SH2D7: variants seen among roughly 807,000 people sequenced by gnomAD.
SH2D7 encodes SH2 domain containing 7.
A neutral mutation model predicts 40.8 loss-of-function variants in SH2D7; 32 were observed. That is an observed-to-expected ratio of 0.78 (90% CI 0.59 to 1.05). The LOEUF (loss-of-function observed/expected upper bound fraction) is 1.05, where lower values mean the gene tolerates loss of function less well. SH2D7 is among the 50% of genes least tolerant of loss of function. The pLI is 0.00. For missense variants in SH2D7, 559 were observed against 566.6 expected (o/e 0.99, Z 0.14); for synonymous variants, 195 against 221.5 (o/e 0.88, Z 1.06).
chr15:78,100,556 G>C (rs28657420), intron 4 of SH2D7, among the ~76,000 whole-genome samples: 2,316 of 152,178 alleles, frequency 0.015, 54 homozygotes, highest in African/African-American at 0.052. Context: ...AATTACCTGG[G>C]CATGATGGTG....
rs1241749186 is a variant in SH2D7 at position 78,101,563 on chromosome 15, G to A, written c.1305+5G>A. ...GAGACTGGACGGACACACAAGGTGA[G>A]CTCCATGATGGGGTGGGGCGGCTCC... On this transcript the variant is annotated splice_donor_5th_base_variant and intron_variant, in intron 5 of 5. Transcript: ENST00000328828. 6.4e-7 allele frequency: 1 copy of A among 1,566,770 alleles called. No individual in the cohort carries two copies. Among genetic ancestry groups the A allele is most frequent in the Non-Finnish European group, 8.6e-7 (1 of 1,158,460 alleles).
At chr15:78,102,600 T>C (rs915326465) in intron 5 of SH2D7, among the ~76,000 whole-genome samples, 3 of 152,046 alleles carry the variant, frequency 2.0e-5, no homozygotes, top group Admixed American at 6.6e-5. Context: ...GATTTGGGTG[T>C]AAGCTGGGGG....
Position 78,094,098 on chromosome 15 carries a change from T to C in SH2D7, c.177-14T>C. ...AGGGCACAGACCCCAGCTAATGGCATGTCTTCTGCCCAGGCAGACGGAGCA... is the reference window on the plus strand; with the variant it reads ...AGGGCACAGACCCCAGCTAATGGCACGTCTTCTGCCCAGGCAGACGGAGCA... On this transcript the variant is annotated splice_polypyrimidine_tract_variant and intron_variant, in intron 1 of 5. Coordinates refer to ENST00000328828, the MANE Select transcript of SH2D7 (RefSeq NM_001101404.2). 1 of 1,598,576 alleles carries C rather than the reference T, an allele frequency of 6.3e-7. No homozygotes were observed. The highest frequency in any genetic ancestry group is 8.5e-7 in the Non-Finnish European group (1 of 1,172,884).
chr15:78,098,917 A>G (rs2073994040), intron 4 of SH2D7, among the ~76,000 whole-genome samples: 1 of 152,202 alleles, frequency 6.6e-6, no homozygotes, highest in African/African-American at 2.4e-5. Context: ...ATGGATATGA[A>G]ATGCCTGAAT....
chr15:78,092,787 C>T, intron 1 of SH2D7, 27 bp downstream of exon 1: 3 of 1,592,066 alleles, frequency 1.9e-6, no homozygotes, highest in Non-Finnish European at 2.6e-6. Context: ...CCACAGGTCC[C>T]TCATAGCCCA....
Position 78,103,644 on chromosome 15 carries a change from C to A in SH2D7, c.*129C>A. The A allele has an allele frequency of 8.4e-7, 1 of 1,193,290 alleles. No homozygotes were observed. The highest frequency in any genetic ancestry group is 1.5e-5 in the South Asian group (1 of 68,790). The allele number at this position is 1,193,290 out of a possible 1,614,324, so 73.9% of individuals were successfully genotyped here. ...GAGACTCATCCAGCCTGCTACAGAA[C>A]TAGGCTCCGAGACAGCCGAGGTGCC... On this transcript the variant is annotated 3_prime_UTR_variant, in exon 6 of 6. Coordinates refer to ENST00000328828, the MANE Select transcript of SH2D7 (RefSeq NM_001101404.2).
intron 4 of SH2D7, among the ~76,000 whole-genome samples, 175 bp from the exon 5 acceptor site, chr15:78,100,724 T>C (rs2074007899): frequency 6.6e-6 from 1 of 151,908 alleles, no homozygotes; most frequent in African/African-American, 2.4e-5. Flanking sequence ...AAGAACAAGT[T>C]CTAGAGCATG....
Position 78,098,432 on chromosome 15 carries a change from A to T in SH2D7, c.481A>T (p.Thr161Ser). ...TGCCATCACCCGGGGCCTCCACCAG[A>T]CCATCGTGGACCCAGAAAACCCACC... ...YDAITRGLHQTIVDPENPPAT... is the reference protein window; with the variant it reads ...YDAITRGLHQSIVDPENPPAT... Residue 161 changes from threonine to serine, a missense_variant, in exon 4 of 6, where the codon ACC becomes TCC. Thr to Ser is a moderately conservative substitution (Grantham distance 58). Transcript: ENST00000328828. The T allele has an allele frequency of 1.2e-6, 2 of 1,613,828 alleles. No individual in the cohort carries two copies. Among genetic ancestry groups the T allele is most frequent in the Non-Finnish European group, 1.7e-6 (2 of 1,179,832 alleles).
At position 78,098,076 on chromosome 15, in the gene SH2D7, G is replaced by A. The variant is rs149785588; in HGVS notation, c.414G>A (p.Leu138=). 15 of 1,611,644 alleles carry A rather than the reference G, an allele frequency of 9.3e-6. No individual in the cohort carries two copies. In the African/African-American group the frequency reaches 9.3e-5, roughly 10 times the overall value. The change falls in exon 3 of 6, where the codon CTG becomes CTA. Residue 138 remains leucine (L), a synonymous_variant. Transcript: ENST00000328828. ...AGCTCGAGCCCTTCAAAGAGATGCTGACTGCTGCCTGCCCCCGGGTAGGCG... is the reference window on the plus strand; with the variant it reads ...AGCTCGAGCCCTTCAAAGAGATGCTAACTGCTGCCTGCCCCCGGGTAGGCG... ...EAQLEPFKEM[L]TAACPRPEDN...
intron 1 of SH2D7, 52 bp downstream of exon 1, chr15:78,092,812 T>G: frequency 6.5e-7 from 1 of 1,533,180 alleles, no homozygotes; most frequent in Non-Finnish European, 8.8e-7. Context: ...CCCTTGGGGC[T>G]GAGAAAATGG....
chr15:78,101,416 C>T lies in SH2D7; in HGVS notation c.1163C>T (p.Pro388Leu), dbSNP rs762928222. Residue 388 changes from proline to leucine, a missense_variant, in exon 5 of 6, where the codon CCA becomes CTA. Coordinates refer to ENST00000328828, the MANE Select transcript of SH2D7 (RefSeq NM_001101404.2). ...PACWGGPARA[P>L]HPGASPTYSP... ...TGCTGGGGTGGCCCAGCCAGGGCCC[C>T]ACATCCTGGGGCCAGTCCCACATAT... is the stretch of plus-strand genomic sequence containing the variant. 1 of 1,613,398 alleles carries T rather than the reference C, an allele frequency of 6.2e-7. No individual in the cohort carries two copies. The highest frequency in any genetic ancestry group is 1.1e-5 in the South Asian group (1 of 91,000).
At chr15:78,092,483 C>A (rs769209183), upstream of SH2D7, 17 of 1,324,860 alleles carry the variant, frequency 1.3e-5, no homozygotes, top group Non-Finnish European at 1.6e-5. Flanking sequence ...GTGCTATGGG[C>A]CCTTGGGTAG....
At chr15:78,096,649 C>T (rs532098563) in intron 2 of SH2D7, among the ~76,000 whole-genome samples, 2 of 148,916 alleles carry the variant, frequency 1.3e-5, no homozygotes, top group East Asian at 2.0e-4. Flanking sequence ...GCAACCACCA[C>T]GACACCGGCT....
chr15:78,092,477 T>C (rs575235541), upstream of SH2D7: 37 of 1,242,406 alleles, frequency 3.0e-5, no homozygotes, highest in East Asian at 8.7e-4. Context: ...TGCTGTGTGC[T>C]ATGGGCCCTT....
intron 2 of SH2D7, among the ~76,000 whole-genome samples, chr15:78,094,785 G>A (rs1285622910): frequency 6.6e-6 from 1 of 152,198 alleles, no homozygotes; most frequent in African/African-American, 2.4e-5. Context: ...CTGGAAGTCA[G>A]AGCTGGAGGT....
Position 78,098,452 on chromosome 15 carries a change from C to A in SH2D7, c.501C>A (p.Asn167Lys), listed in dbSNP as rs200058929. 25 of 1,614,026 alleles carry A rather than the reference C, an allele frequency of 1.5e-5. No homozygotes were observed. The highest frequency in any genetic ancestry group is 1.7e-4 in the Middle Eastern group (1 of 6,056). ...ACCAGACCATCGTGGACCCAGAAAA[C>A]CCACCTGCCACGGCATTCCTCACAG... Reference protein sequence around the residue: ...GLHQTIVDPENPPATAFLTVV... With the variant: ...GLHQTIVDPEKPPATAFLTVV... Residue 167 changes from asparagine (N) to lysine (K), a missense_variant, in exon 4 of 6, where the codon AAC (asparagine) becomes AAA (lysine). Transcript: ENST00000328828.
At chr15:78,099,448 G>C (rs1189094080) in intron 4 of SH2D7, among the ~76,000 whole-genome samples, 2 of 151,454 alleles carry the variant, frequency 1.3e-5, no homozygotes, top group African/African-American at 4.9e-5. Flanking sequence ...TGAGTAGCTG[G>C]GATTACAGGT....
At chr15:78,090,185 G>A (rs1233992343), upstream of SH2D7, among the ~76,000 whole-genome samples, 1 of 152,134 alleles carries the variant, frequency 6.6e-6, no homozygotes, top group East Asian at 1.9e-4. Flanking sequence ...GCTGAGAGAT[G>A]AGAAAGAGCT....
intron 4 of SH2D7, among the ~76,000 whole-genome samples, chr15:78,100,469 G>A (rs917730301): frequency 2.0e-5 from 3 of 152,128 alleles, no homozygotes; most frequent in Admixed American, 6.5e-5. Flanking sequence ...AGGCTGAGAC[G>A]GGTGGATCAC....
Sources: gnomAD v4.1 joint callset for allele counts (sites outside exome capture counted in the v4.1 genomes callset) on GRCh38, gnomAD v4.1.1 for gene constraint, MANE v1.5 for transcripts, NCBI Gene and HGNC (gene_info 2026-07-23, HGNC 2026-07-21) for gene names.